Variants in SCARB1 observed in about 807,000 individuals in gnomAD.
The protein encoded by SCARB1 is CD36 and LIMPII analogous 1.
SCARB1 carries 30 observed loss-of-function variants against 57.2 expected under a neutral mutation model. That is an observed-to-expected ratio of 0.52 (90% CI 0.39 to 0.71). The LOEUF (loss-of-function observed/expected upper bound fraction) is 0.71, where lower values mean the gene tolerates loss of function less well. SCARB1 is among the 30% of genes least tolerant of loss of function. The pLI is 0.00. For synonymous variants in SCARB1, 249 were observed against 268.3 expected, an observed-to-expected ratio of 0.93 and a Z score of 0.70; for missense variants, 543 against 671.2, an observed-to-expected ratio of 0.81 and a Z score of 2.11.
In SCARB1 at chr12:124,814,541, G is replaced by T; in HGVS notation, c.427-136C>A. ...CAGGAGGCCCCTGGAGTGGCCACGT[G>T]GGGCATCTGGGACACCAGAACCACC... On this transcript the variant is annotated intron_variant, in intron 3 of 12. Coordinates refer to ENST00000261693, the MANE Select transcript of SCARB1 (RefSeq NM_005505.5). The surrounding 1 kb of genome is among the most constrained non-coding windows in gnomAD (Gnocchi z 4.7). 2.3e-6 allele frequency: 2 copies of T among 854,480 alleles called. No individual in the cohort carries two copies. The highest frequency in any genetic ancestry group is 1.4e-5 in the South Asian group (1 of 69,732). The allele number at this position is 854,480 out of a possible 1,614,324, so 52.9% of individuals were successfully genotyped here. A position where few individuals can be genotyped will look rare whatever the true frequency, so the allele number is the denominator to read the frequency against.
At chr12:124,821,007 C>T in intron 1 of SCARB1, among the ~76,000 whole-genome samples, 1 of 152,120 alleles carries the variant, frequency 6.6e-6, no homozygotes, top group Non-Finnish European at 1.5e-5. Flanking sequence ...CTTTGAGGGG[C>T]CGAGGCAGGC....
At chr12:124,779,679 G>A (rs768830520) in intron 12 of SCARB1, among the ~76,000 whole-genome samples, 6 of 152,208 alleles carry the variant, frequency 3.9e-5, no homozygotes, top group Non-Finnish European at 7.4e-5. Flanking sequence ...ATAAGAGTGT[G>A]GGGTGAGCCT....
intron 1 of SCARB1, among the ~76,000 whole-genome samples, chr12:124,837,777 G>T (rs566627448): frequency 6.6e-6 from 1 of 151,368 alleles, no homozygotes; most frequent in Non-Finnish European, 1.5e-5. Flanking sequence ...GGTGGCACAT[G>T]CCTGTTGTCC....
chr12:124,778,251 C>A lies in SCARB1; in HGVS notation c.*336G>T, dbSNP rs981168722. On this transcript the variant is annotated 3_prime_UTR_variant, in exon 13 of 13. Transcript: ENST00000261693. ...GCTGAACGGGACAGGCCAGGCTCAC[C>A]CGAGGAAGGGGACGCAGGACCCACA... is the stretch of plus-strand genomic sequence containing the variant. 12 of 412,516 alleles carry A rather than the reference C, an allele frequency of 2.9e-5. No homozygotes were observed. Among genetic ancestry groups the A allele is most frequent in the African/African-American group, 1.8e-4 (9 of 48,796 alleles). The allele number at this position is 412,516 out of a possible 1,614,324, so 25.6% of individuals were successfully genotyped here. A position where few individuals can be genotyped will look rare whatever the true frequency, so the allele number is the denominator to read the frequency against.
chr12:124,853,815 T>C (rs1369028576), intron 1 of SCARB1, among the ~76,000 whole-genome samples: 2 of 152,134 alleles, frequency 1.3e-5, no homozygotes, highest in Non-Finnish European at 2.9e-5. Flanking sequence ...GAAACAACGG[T>C]GGCAGCTCGG....
At chr12:124,808,021 C>A (rs1950382303) in intron 6 of SCARB1, 94 bp from the exon 7 acceptor site, 2 of 1,283,450 alleles carry the variant, frequency 1.6e-6, no homozygotes, top group Non-Finnish European at 1.1e-6. Flanking sequence ...CACTTCTCCC[C>A]ACGGGCGCTA....
In SCARB1 at chr12:124,789,709, A is replaced by T. The variant is rs1466186151; in HGVS notation, c.1203-2252T>A. 1.3e-5 allele frequency among the ~76,000 whole-genome samples: 2 copies of T among 152,236 alleles called. No homozygotes were observed. Among genetic ancestry groups the T allele is most frequent in the African/African-American group, 4.8e-5 (2 of 41,460 alleles). On this transcript the variant is annotated intron_variant, in intron 9 of 12. Transcript: ENST00000261693. This position sits in a 1 kb window ranked among gnomAD's most constrained non-coding sequence, Gnocchi z 4.4. Reference sequence around the variant, plus strand: ...AAATTTTAAAACCCTAAAAAAAGAAAAATTAATTTTTAAAAAGAGGGGCTG... The same window carrying T: ...AAATTTTAAAACCCTAAAAAAAGAATAATTAATTTTTAAAAAGAGGGGCTG...
chr12:124,815,198 A>T, intron 2 of SCARB1, 84 bp from the exon 3 acceptor site: 2 of 1,508,598 alleles, frequency 1.3e-6, no homozygotes, highest in Non-Finnish European at 1.8e-6. Context: ...CCTGCCTGGG[A>T]ACCAGGGGCC....
intron 1 of SCARB1, 118 bp downstream of exon 1, chr12:124,863,477 G>A (rs1952985347): frequency 2.7e-6 from 3 of 1,104,884 alleles, no homozygotes; most frequent in Non-Finnish European, 3.8e-6. Context: ...TGCGGCGCCA[G>A]GCCCGGGCGC....
rs1447043848 is a variant in SCARB1, at chr12:124,810,536, A to G, written c.727-247T>C. Among the ~76,000 whole-genome samples the G allele has an allele frequency of 1.3e-5, 2 of 152,180 alleles. No individual in the cohort carries two copies. Among genetic ancestry groups the G allele is most frequent in the South Asian group, 4.1e-4 (2 of 4,826 alleles). On this transcript the variant is annotated intron_variant, in intron 5 of 12. Coordinates refer to ENST00000261693, the MANE Select transcript of SCARB1 (RefSeq NM_005505.5). This position sits in a 1 kb window ranked among gnomAD's most constrained non-coding sequence, Gnocchi z 4.0. ...GTTCTTTCATCTGCAAAATAGGCCT[A>G]TCACCCACATTTCCAGCCTGAATCT...
chr12:124,843,097 A>T (rs558128324), intron 1 of SCARB1, among the ~76,000 whole-genome samples: 4 of 152,222 alleles, frequency 2.6e-5, no homozygotes, highest in South Asian at 2.1e-4. Flanking sequence ...TGATCTTTCC[A>T]GAAGGCTGAC....
intron 1 of SCARB1, among the ~76,000 whole-genome samples, chr12:124,834,082 G>A (rs142089015): frequency 2.7e-3 from 407 of 152,282 alleles, no homozygotes; most frequent in African/African-American, 9.4e-3. Flanking sequence ...ACCGAGGCCC[G>A]CCCTGAAAAG....
chr12:124,853,385 GTTTTGT>G (rs1952499740), intron 1 of SCARB1, among the ~76,000 whole-genome samples: 1 of 123,812 alleles, frequency 8.1e-6, no homozygotes, highest in African/African-American at 3.0e-5. Flanking sequence ...AGTTTGCATA[GTTTTGT>G]TTTTTTTTTT....
At chr12:124,827,155 G>T (rs1951192329) in intron 1 of SCARB1, among the ~76,000 whole-genome samples, 1 of 152,208 alleles carries the variant, frequency 6.6e-6, no homozygotes, top group Non-Finnish European at 1.5e-5. Flanking sequence ...ATTAAAGAAG[G>T]AAGAGGTTTT....
chr12:124,857,661 G>A (rs1374564501), intron 1 of SCARB1, among the ~76,000 whole-genome samples: 1 of 152,168 alleles, frequency 6.6e-6, no homozygotes, highest in East Asian at 1.9e-4. Context: ...CAGATACAGG[G>A]GTATCAGGAA....
chr12:124,843,592 C>A (rs1182947809), intron 1 of SCARB1, among the ~76,000 whole-genome samples: 2 of 152,102 alleles, frequency 1.3e-5, no homozygotes, highest in African/African-American at 2.4e-5. Context: ...ATGTCCCCTG[C>A]CAAATTCATG....
intron 6 of SCARB1, among the ~76,000 whole-genome samples, chr12:124,809,509 G>A (rs986193161): frequency 1.3e-5 from 2 of 152,218 alleles, no homozygotes; most frequent in Non-Finnish European, 2.9e-5. Flanking sequence ...TGACACTCTA[G>A]TGTTTGTGCA....
chr12:124,851,034 G>A (rs1220837555), intron 1 of SCARB1, among the ~76,000 whole-genome samples: 2 of 152,156 alleles, frequency 1.3e-5, no homozygotes, highest in African/African-American at 4.8e-5. Flanking sequence ...TCCATTACTC[G>A]AGCCACAGCA....
At chr12:124,833,912 C>T (rs1316925337) in intron 1 of SCARB1, among the ~76,000 whole-genome samples, 4 of 152,212 alleles carry the variant, frequency 2.6e-5, no homozygotes, top group African/African-American at 7.2e-5. Flanking sequence ...GACACTCTCC[C>T]GCAGCTGCTT....
Sources: gnomAD v4.1 joint callset for allele counts (sites outside exome capture counted in the v4.1 genomes callset) on GRCh38, gnomAD v4.1.1 for gene constraint, Gnocchi (gnomAD v3.1) non-coding constraint, MANE v1.5 for transcripts, NCBI Gene and HGNC (gene_info 2026-07-23, HGNC 2026-07-21) for gene names.